Variants in CACNA1C observed in about 807,000 individuals in gnomAD.
The protein encoded by CACNA1C is calcium voltage-gated channel subunit alpha1 C.
Under a neutral mutation model 229.0 loss-of-function variants are expected in CACNA1C, and 30 were observed. That is an observed-to-expected ratio of 0.13 (90% CI 0.10 to 0.18). The LOEUF is 0.18. CACNA1C is among the 10% of genes least tolerant of loss of function. The pLI is 1.00. For missense variants in CACNA1C, 1,658 were observed against 2,845.0 expected (o/e 0.58, Z 9.49); for synonymous variants, 1,114 against 1,132.5 (o/e 0.98, Z 0.33).
intron 3 of CACNA1C, among the ~76,000 whole-genome samples, chr12:2,153,592 A>G (rs189591037): frequency 4.2e-4 from 64 of 152,270 alleles, no homozygotes; most frequent in Non-Finnish European, 6.9e-4. Context: ...GACTGGAGCT[A>G]GTTTTGGCTA....
chr12:2,342,165 C>T (rs1202878750), intron 3 of CACNA1C, among the ~76,000 whole-genome samples: 1 of 152,156 alleles, frequency 6.6e-6, no homozygotes, highest in Non-Finnish European at 1.5e-5. Flanking sequence ...TGAGCGGTGT[C>T]ACCCGACAGA....
chr12:2,545,178 G>C (rs1281474312), intron 9 of CACNA1C, among the ~76,000 whole-genome samples: 4 of 149,230 alleles, frequency 2.7e-5, no homozygotes, highest in African/African-American at 9.8e-5. Flanking sequence ...TTGTTGTTGA[G>C]TACAATAAGA....
At chr12:1,986,863 T>C (rs1203417608) in intron 1 of CACNA1C, among the ~76,000 whole-genome samples, 1 of 152,232 alleles carries the variant, frequency 6.6e-6, no homozygotes, top group African/African-American at 2.4e-5. Context: ...CCAGAACTTT[T>C]AGTTGTAAAC....
At chr12:2,658,210 A>G (rs2095521634) in intron 34 of CACNA1C, among the ~76,000 whole-genome samples, 1 of 152,260 alleles carries the variant, frequency 6.6e-6, no homozygotes. Flanking sequence ...TAAGTCACAA[A>G]GAATTTAACA....
chr12:2,272,328 G>T (rs973324148), intron 3 of CACNA1C, among the ~76,000 whole-genome samples: 1 of 151,978 alleles, frequency 6.6e-6, no homozygotes, highest in Admixed American at 6.6e-5. Context: ...TCCATTCTTC[G>T]ATTCCAGCTC....
chr12:2,456,527 C>T (rs896263999), intron 4 of CACNA1C, among the ~76,000 whole-genome samples: 1 of 152,210 alleles, frequency 6.6e-6, no homozygotes, highest in Non-Finnish European at 1.5e-5. Flanking sequence ...CTGCCCTGCT[C>T]CAGCCACACT....
intron 30 of CACNA1C, among the ~76,000 whole-genome samples, chr12:2,640,424 G>A (rs1293359963): frequency 6.6e-6 from 1 of 152,176 alleles, no homozygotes; most frequent in Non-Finnish European, 1.5e-5. Flanking sequence ...TTGATGCTGC[G>A]GATGCTGGAT....
At chr12:2,332,692 G>A (rs550748209) in intron 3 of CACNA1C, among the ~76,000 whole-genome samples, 2 of 152,276 alleles carry the variant, frequency 1.3e-5, no homozygotes, top group South Asian at 4.1e-4. Context: ...CATGGAATAG[G>A]ATGTGCCCAT....
rs1039130998 is a variant in CACNA1C, at chr12:2,607,056, C to T, written c.3282C>T (p.Ser1094=). ...PIIQPRSWEN[S]KFDFDNVLAA... ...TCCAACCCCGCAGCTGGGAGAACAG[C>T]AAGTTTGACTTTGACAATGTTCTGG... The change falls in exon 26 of 47, where the codon AGC becomes AGT. Residue 1094 remains serine (S), a synonymous_variant. Coordinates refer to ENST00000399655, the MANE Select transcript of CACNA1C (RefSeq NM_000719.7). The T allele has an allele frequency of 6.2e-7, 1 of 1,613,814 alleles. No homozygotes were observed. Among genetic ancestry groups the T allele is most frequent in the African/African-American group, 1.3e-5 (1 of 74,916 alleles).
At chr12:2,019,583 G>T (rs985308568) in intron 1 of CACNA1C, among the ~76,000 whole-genome samples, 1 of 141,846 alleles carries the variant, frequency 7.0e-6, no homozygotes, top group Admixed American at 7.2e-5. Context: ...AAGAAAGAGA[G>T]AGAGAAAGAA....
At position 2,265,380 on chromosome 12, in the gene CACNA1C, G is replaced by A. The variant is rs1259209986; in HGVS notation, c.477+144950G>A. Among the ~76,000 whole-genome samples, 3 of 152,340 alleles carry A rather than the reference G, an allele frequency of 2.0e-5. No individual in the cohort carries two copies. The East Asian group carries it at 5.8e-4, about 29-fold the overall frequency. ...GGCCTGGGTCTCTAAAACCAGAGGT[G>A]CTTGATGCTTCATCCCAAGGCTAAA... On this transcript the variant is annotated intron_variant, in intron 3 of 46. Coordinates refer to ENST00000399655, the MANE Select transcript of CACNA1C (RefSeq NM_000719.7).
intron 27 of CACNA1C, among the ~76,000 whole-genome samples, chr12:2,609,647 C>T (rs888047002): frequency 7.9e-5 from 12 of 151,012 alleles, no homozygotes; most frequent in African/African-American, 2.7e-4. Flanking sequence ...CGTTGGACAC[C>T]GGGGCTGAGG....
chr12:2,569,356 C>T (rs1568480259), intron 13 of CACNA1C, among the ~76,000 whole-genome samples: 2 of 152,152 alleles, frequency 1.3e-5, no homozygotes, highest in Admixed American at 1.3e-4. Context: ...CAATGTGTAA[C>T]TTAATTGTTT....
chr12:2,471,442 A>G (rs115641431), intron 5 of CACNA1C, among the ~76,000 whole-genome samples: 2,544 of 152,316 alleles, frequency 0.017, 68 homozygotes, highest in African/African-American at 0.057. Context: ...TATAGATCCA[A>G]GTTCCCTTCT....
Position 2,053,574 on chromosome 12 carries a change from G to C in CACNA1C, c.12G>C (p.Glu4Asp), listed in dbSNP as rs2052987294. 1.2e-6 allele frequency: 2 copies of C among 1,600,562 alleles called. No homozygotes were observed. The highest frequency in any genetic ancestry group is 1.7e-5 in the Admixed American group (1 of 58,338). MVN[E>D]NTRMYIPEEN... The stretch of plus-strand genomic sequence containing the variant: ...ACCATTTTTGGTCCATGGTCAATGA[G>C]AATACGAGGATGTACATTCCAGAGG... The change falls in exon 1 of 47, where the codon GAG becomes GAC. Residue 4 changes from glutamate to aspartate, a missense_variant. Glu to Asp is a conservative substitution (Grantham distance 45, BLOSUM62 2). Transcript: ENST00000399655. The surrounding 1 kb of genome is among the most constrained non-coding windows in gnomAD (Gnocchi z 5.8).
chr12:2,407,234 G>C (rs1051895958), intron 3 of CACNA1C, among the ~76,000 whole-genome samples: 3 of 152,260 alleles, frequency 2.0e-5, no homozygotes, highest in Non-Finnish European at 4.4e-5. Context: ...CTGCCTAGTT[G>C]GGGTGGAAGT....
At chr12:2,658,141 C>CA (rs897857394) in intron 34 of CACNA1C, among the ~76,000 whole-genome samples, 19 of 151,276 alleles carry the variant, frequency 1.3e-4, no homozygotes, top group African/African-American at 2.2e-4. Context: ...AGTAAATGGC[C>CA]AAAAAAAACA....
At chr12:2,344,188 C>G (rs186640131) in intron 3 of CACNA1C, among the ~76,000 whole-genome samples, 7 of 152,272 alleles carry the variant, frequency 4.6e-5, no homozygotes, top group African/African-American at 1.7e-4. Flanking sequence ...ACACATCATG[C>G]TTTTAAGGCC....
chr12:2,618,725 C>G lies in CACNA1C; in HGVS notation c.3828+6712C>G, dbSNP rs115271206. Among the ~76,000 whole-genome samples, 1,004 of 152,306 alleles carry G rather than the reference C, an allele frequency of 6.6e-3. 13 individuals carry two copies. The highest frequency in any genetic ancestry group is 0.022 in the African/African-American group (928 of 41,568). ...TGGACTGTTGAGAGACATTTCAGAA[C>G]GTGTTCTTAAAAGCTCAGTCAAGGA... On this transcript the variant is annotated intron_variant, in intron 29 of 46. Coordinates refer to ENST00000399655, the MANE Select transcript of CACNA1C (RefSeq NM_000719.7).
Sources: gnomAD v4.1 joint callset for allele counts (sites outside exome capture counted in the v4.1 genomes callset) on GRCh38, gnomAD v4.1.1 for gene constraint, Gnocchi (gnomAD v3.1) non-coding constraint, MANE v1.5 for transcripts, NCBI Gene and HGNC (gene_info 2026-07-23, HGNC 2026-07-21) for gene names.